The following MYOM2 variants were observed in gnomAD, a reference collection of about 807,000 sequenced individuals.
The protein encoded by MYOM2 is myomesin 2.
Under a neutral mutation model 187.6 loss-of-function variants are expected in MYOM2, and 254 were observed. The ratio of observed to expected loss-of-function variants is 1.35; its 90% CI spans 1.22 to 1.50. The LOEUF is 1.50. MYOM2 is among the 40% of genes most tolerant of loss of function. The probability of loss-of-function intolerance (pLI) is 0.00; values close to 1 mark genes in which losing one functional copy is unlikely to be tolerated. For missense variants in MYOM2, 2,796 were observed against 1,924.0 expected (o/e 1.45, Z -8.48); for synonymous variants, 981 against 753.8 (o/e 1.30, Z -4.94).
chr8:2,123,951 A>G (rs1797545590), intron 30 of MYOM2, among the ~76,000 whole-genome samples: 1 of 152,232 alleles, frequency 6.6e-6, no homozygotes, highest in Non-Finnish European at 1.5e-5. Flanking sequence ...AGTTGAATGT[A>G]GAGTTGGATT....
chr8:2,049,324 T>C (rs547565069), intron 1 of MYOM2, among the ~76,000 whole-genome samples: 1 of 152,328 alleles, frequency 6.6e-6, no homozygotes, highest in South Asian at 2.1e-4. Flanking sequence ...GAATTTCTCC[T>C]TTCTGGCCCT....
At chr8:2,071,318 TACATGCATGTGTCTGTAA>T (rs1437999596) in intron 8 of MYOM2, among the ~76,000 whole-genome samples, 2 of 152,188 alleles carry the variant, frequency 1.3e-5, no homozygotes, top group Non-Finnish European at 1.5e-5. Context: ...TAAACTTCCC[TACATGCATGTGTCTGTAA>T]ACCATACAGT....
intron 17 of MYOM2, among the ~76,000 whole-genome samples, chr8:2,095,367 C>G (rs1796444102): frequency 6.6e-6 from 1 of 151,800 alleles, no homozygotes; most frequent in Non-Finnish European, 1.5e-5. Context: ...TCACAGCTCC[C>G]TGCAGCCTTG....
chr8:2,096,321 C>T lies in MYOM2; in HGVS notation c.2200C>T (p.Pro734Ser), dbSNP rs1337857616. Residue 734 changes from proline to serine, a missense_variant, in exon 18 of 37, where the codon CCG (proline) becomes TCG (serine). Transcript: ENST00000262113. ...CTCCATGACCCTCGGCTGGAAGGTC[C>T]CGAAATTCAGTGGTGGCTCGCCCAT... is the stretch of plus-strand genomic sequence containing the variant. ...GHSMTLGWKV[P>S]KFSGGSPILG... The T allele has an allele frequency of 6.2e-7, 1 of 1,614,084 alleles. No homozygotes were observed. The highest frequency in any genetic ancestry group is 8.5e-7 in the Non-Finnish European group (1 of 1,180,046).
At chr8:2,063,762 C>G (rs1200181521) in intron 6 of MYOM2, among the ~76,000 whole-genome samples, 3 of 152,248 alleles carry the variant, frequency 2.0e-5, no homozygotes. Flanking sequence ...GGCTGCCCAT[C>G]TTTAAGACAG....
chr8:2,138,317 C>G (rs1563083514), intron 32 of MYOM2, among the ~76,000 whole-genome samples: 2 of 152,212 alleles, frequency 1.3e-5, no homozygotes, highest in Non-Finnish European at 2.9e-5. Flanking sequence ...CTGCTTCCCT[C>G]TCCTGCTCCC....
At chr8:2,072,539 C>G (rs1249624213) in intron 9 of MYOM2, 30 bp downstream of exon 9, 2 of 1,600,606 alleles carry the variant, frequency 1.2e-6, no homozygotes, top group Non-Finnish European at 1.7e-6. Context: ...GACCCGGGCA[C>G]ACACCAGGAG....
chr8:2,076,062 T>TG, intron 10 of MYOM2, 79 bp from the exon 11 acceptor site: 1 of 1,386,996 alleles, frequency 7.2e-7, no homozygotes. Flanking sequence ...AATTGGAGCT[T>TG]GGAGGAGCTG....
intron 6 of MYOM2, among the ~76,000 whole-genome samples, chr8:2,059,473 A>G (rs996788952): frequency 6.6e-6 from 1 of 152,196 alleles, no homozygotes; most frequent in African/African-American, 2.4e-5. Context: ...AAGACAGTAG[A>G]TAGTTCAGGG....
intron 18 of MYOM2, 76 bp downstream of exon 18, chr8:2,096,510 A>G (rs1796491802): frequency 7.2e-7 from 1 of 1,384,980 alleles, no homozygotes; most frequent in Non-Finnish European, 9.9e-7. Context: ...TCTGCGTTTG[A>G]TGACATTAGA....
intron 3 of MYOM2, among the ~76,000 whole-genome samples, chr8:2,054,832 C>T (rs769921491): frequency 1.6e-4 from 24 of 152,216 alleles, no homozygotes; most frequent in Non-Finnish European, 2.6e-4. Flanking sequence ...CTGACGCCAT[C>T]GTTCATTTCT....
At chr8:2,056,121 G>T (rs752522454) in intron 3 of MYOM2, among the ~76,000 whole-genome samples, 1 of 152,162 alleles carries the variant, frequency 6.6e-6, no homozygotes, top group Non-Finnish European at 1.5e-5. Flanking sequence ...TTTCTCCTGG[G>T]AAGGATAAAA....
At chr8:2,061,570 T>C (rs1818852639) in intron 6 of MYOM2, among the ~76,000 whole-genome samples, 1 of 152,094 alleles carries the variant, frequency 6.6e-6, no homozygotes, top group South Asian at 2.1e-4. Flanking sequence ...TGCCCGGTGG[T>C]GCCCCTCCCC....
At chr8:2,055,235 G>A (rs1298658124) in intron 3 of MYOM2, among the ~76,000 whole-genome samples, 3 of 152,192 alleles carry the variant, frequency 2.0e-5, no homozygotes, top group Non-Finnish European at 4.4e-5. Context: ...GACAGGGCTG[G>A]TGTCATTCAA....
chr8:2,117,116 T>C (rs1797275506), intron 27 of MYOM2, among the ~76,000 whole-genome samples: 1 of 152,106 alleles, frequency 6.6e-6, no homozygotes, highest in African/African-American at 2.4e-5. Flanking sequence ...AAAATTAGAA[T>C]GTGAATTATG....
chr8:2,142,305 T>C (rs1798300516), intron 34 of MYOM2, 70 bp from the exon 35 acceptor site: 3 of 1,439,618 alleles, frequency 2.1e-6, no homozygotes, highest in Non-Finnish European at 2.9e-6. Context: ...CTCTCAGCTG[T>C]GCATTTTGTT....
intron 14 of MYOM2, among the ~76,000 whole-genome samples, chr8:2,085,705 T>A (rs1414609202): frequency 4.9e-4 from 7 of 14,422 alleles, no homozygotes; most frequent in Admixed American, 1.0e-3. Flanking sequence ...GGCCCCCCAC[T>A]GTCGTGATCT....
At chr8:2,144,133 A>T (rs555145486) in intron 36 of MYOM2, among the ~76,000 whole-genome samples, 2 of 151,718 alleles carry the variant, frequency 1.3e-5, no homozygotes, top group African/African-American at 2.4e-5. Context: ...AGCTCTTGAG[A>T]TCTCATCTTA....
At position 2,059,230 on chromosome 8, in the gene MYOM2, C is replaced by A. The variant is rs751231838; in HGVS notation, c.638C>A (p.Thr213Lys). 2.4e-5 allele frequency: 39 copies of A among 1,614,004 alleles called. No individual in the cohort carries two copies. Among genetic ancestry groups the A allele is most frequent in the Non-Finnish European group, 3.2e-5 (38 of 1,180,000 alleles). ...ATTGAGAGCAACTATGGCGTACACA[C>A]ACTGGAGATCAACAGGTATGGCTGT... ...YRIESNYGVH[T>K]LEINRADFDD... is the part of the protein sequence containing the mutation. The change falls in exon 6 of 37, where the codon ACA (threonine) becomes AAA (lysine). Residue 213 changes from threonine to lysine, a missense_variant. By Grantham distance (78) the Thr-to-Lys change is moderately conservative. Coordinates refer to ENST00000262113, the MANE Select transcript of MYOM2 (RefSeq NM_003970.4).
Sources: allele counts gnomAD v4.1 joint callset (sites outside exome capture counted in the v4.1 genomes callset), GRCh38; gene constraint gnomAD v4.1.1; transcripts MANE v1.5; gene names NCBI Gene and HGNC (gene_info 2026-07-23, HGNC 2026-07-21).